Variants in KCNB2 observed in about 807,000 individuals in gnomAD.
KCNB2 encodes potassium voltage-gated channel subfamily B member 2.
In KCNB2, 15 loss-of-function variants were observed where a neutral mutation model predicts 61.5. That is an observed-to-expected ratio of 0.24 (90% CI 0.16 to 0.38). KCNB2 has a LOEUF of 0.38. KCNB2 is among the 10% of genes least tolerant of loss of function. The pLI is 1.00. For synonymous variants in KCNB2, 457 were observed against 446.0 expected (o/e 1.02, Z -0.31); for missense variants, 828 against 1,125.2 (o/e 0.74, Z 3.78).
Position 72,563,871 on chromosome 8 carries a change from A to G in KCNB2, c.-93-3771A>G, listed in dbSNP as rs1233353983. On this transcript the variant is annotated intron_variant, in intron 1 of 2. Transcript: ENST00000523207. ...CTGCACTCTTTATCAGGTAACAAGC[A>G]GAACATTCTGCCCAGGGAGAATAAA... 7.2e-5 allele frequency among the ~76,000 whole-genome samples: 11 copies of G among 152,348 alleles called. No individual in the cohort carries two copies. The South Asian group carries it at 2.1e-3, about 29-fold the overall frequency.
intron 2 of KCNB2, among the ~76,000 whole-genome samples, chr8:72,827,633 G>T (rs539499640): frequency 6.0e-4 from 92 of 152,146 alleles, no homozygotes; most frequent in African/African-American, 2.1e-3. Flanking sequence ...CCTCAGAAAG[G>T]CCTCATTTTT....
chr8:72,720,454 G>A (rs1314725252), intron 2 of KCNB2, among the ~76,000 whole-genome samples: 1 of 152,030 alleles, frequency 6.6e-6, no homozygotes, highest in Non-Finnish European at 1.5e-5. Context: ...TCTTCAAAAG[G>A]AATCTTTCTT....
At chr8:72,617,111 A>G (rs1452031453) in intron 2 of KCNB2, among the ~76,000 whole-genome samples, 1 of 152,208 alleles carries the variant, frequency 6.6e-6, no homozygotes, top group Non-Finnish European at 1.5e-5. Context: ...CTGTGAGGCC[A>G]GGGTCAGGGG....
intron 2 of KCNB2, 29 bp downstream of exon 2, chr8:72,568,342 T>C (rs755830143): frequency 6.4e-7 from 1 of 1,559,204 alleles, no homozygotes; most frequent in South Asian, 1.2e-5. Context: ...TGCTTGCCTG[T>C]GTGTGGTCAG....
rs7845090 is a variant in KCNB2, at chr8:72,537,705, G to A, written c.-274G>A. On this transcript the variant is annotated 5_prime_UTR_variant, in exon 1 of 3. Coordinates refer to ENST00000523207, the MANE Select transcript of KCNB2 (RefSeq NM_004770.3). ...TGTAAAGACAGGGGGAAAGCACGCCGGGAGCTCCAGCCAGCCGGGGAGACC... is the reference window on the plus strand; with the variant it reads ...TGTAAAGACAGGGGGAAAGCACGCCAGGAGCTCCAGCCAGCCGGGGAGACC... The A allele has an allele frequency of 0.67, 102,293 of 152,312 alleles. 34,823 individuals are homozygous for A. The highest frequency in any genetic ancestry group is 0.75 in the Admixed American group (11,448 of 15,300). The allele number at this position is 152,312 out of a possible 1,614,324, so 9.4% of individuals were successfully genotyped here.
chr8:72,920,855 G>T (rs1370968531), intron 2 of KCNB2, among the ~76,000 whole-genome samples: 2 of 151,850 alleles, frequency 1.3e-5, no homozygotes, highest in African/African-American at 4.8e-5. Flanking sequence ...AATACAAAAA[G>T]CAGTCAATAA....
intron 2 of KCNB2, among the ~76,000 whole-genome samples, chr8:72,654,206 T>C (rs1806255943): frequency 6.6e-6 from 1 of 152,200 alleles, no homozygotes; most frequent in African/African-American, 2.4e-5. Flanking sequence ...TCTTTGCTTC[T>C]GTTCCACAGC....
intron 2 of KCNB2, among the ~76,000 whole-genome samples, chr8:72,597,411 G>A (rs941456811): frequency 3.1e-4 from 47 of 152,188 alleles, no homozygotes; most frequent in African/African-American, 1.1e-3. Flanking sequence ...ACAGCTTTTG[G>A]TTTTGTGTTG....
intron 2 of KCNB2, among the ~76,000 whole-genome samples, chr8:72,697,323 G>A (rs142786340): frequency 2.5e-4 from 38 of 152,102 alleles, no homozygotes; most frequent in Admixed American, 4.6e-4. Context: ...TGTCATCATC[G>A]TCATCATCAT....
At chr8:72,845,478 C>A (rs766534913) in intron 2 of KCNB2, among the ~76,000 whole-genome samples, 1 of 152,212 alleles carries the variant, frequency 6.6e-6, no homozygotes, top group African/African-American at 2.4e-5. Context: ...GCTGGGACAT[C>A]CACTGCTCTC....
intron 2 of KCNB2, among the ~76,000 whole-genome samples, chr8:72,661,801 A>G (rs1806385197): frequency 6.6e-6 from 1 of 152,160 alleles, no homozygotes; most frequent in African/African-American, 2.4e-5. Context: ...AACTTATTCT[A>G]AATGTTTAGA....
intron 2 of KCNB2, among the ~76,000 whole-genome samples, chr8:72,571,464 A>G (rs1345986158): frequency 6.6e-6 from 1 of 152,230 alleles, no homozygotes; most frequent in Non-Finnish European, 1.5e-5. Flanking sequence ...ATTTTTGCAC[A>G]TATATAGAAA....
At chr8:72,729,146 C>T (rs1032515315) in intron 2 of KCNB2, among the ~76,000 whole-genome samples, 4 of 152,176 alleles carry the variant, frequency 2.6e-5, no homozygotes, top group Non-Finnish European at 5.9e-5. Context: ...GGAGTTCCCA[C>T]TGCATGGAGT....
chr8:72,922,768 A>G (rs1406825439), intron 2 of KCNB2, among the ~76,000 whole-genome samples: 1 of 152,228 alleles, frequency 6.6e-6, no homozygotes, highest in East Asian at 1.9e-4. Context: ...TCAACCCAGT[A>G]TCCTGATTTC....
At chr8:72,729,956 G>A (rs1019911466) in intron 2 of KCNB2, among the ~76,000 whole-genome samples, 7 of 151,988 alleles carry the variant, frequency 4.6e-5, no homozygotes, top group African/African-American at 1.4e-4. Flanking sequence ...TCTTAATGGG[G>A]GGCAGAGAAT....
intron 2 of KCNB2, among the ~76,000 whole-genome samples, chr8:72,851,491 G>A (rs544511720): frequency 1.3e-5 from 2 of 152,206 alleles, no homozygotes; most frequent in South Asian, 2.1e-4. Flanking sequence ...CTAAAGAATT[G>A]GACATGGGTA....
intron 2 of KCNB2, among the ~76,000 whole-genome samples, chr8:72,635,107 C>A (rs1805942809): frequency 6.6e-6 from 1 of 152,130 alleles, no homozygotes. Context: ...CTCAGTAATG[C>A]TCTGTGATGC....
chr8:72,623,435 C>T (rs556468179), intron 2 of KCNB2, among the ~76,000 whole-genome samples: 1 of 152,256 alleles, frequency 6.6e-6, no homozygotes, highest in South Asian at 2.1e-4. Flanking sequence ...GGAAGAAAAC[C>T]AAGTGTCACT....
intron 2 of KCNB2, among the ~76,000 whole-genome samples, chr8:72,652,407 T>A (rs1291862001): frequency 6.6e-6 from 1 of 152,060 alleles, no homozygotes; most frequent in Non-Finnish European, 1.5e-5. Context: ...CTGGCCTATA[T>A]CCTCTCTTGC....
Sources: allele counts gnomAD v4.1 joint callset (sites outside exome capture counted in the v4.1 genomes callset), GRCh38; gene constraint gnomAD v4.1.1; transcripts MANE v1.5; gene names NCBI Gene and HGNC (gene_info 2026-07-23, HGNC 2026-07-21).